The following ZNF516 variants were observed in gnomAD, a reference collection of about 807,000 sequenced individuals.
ZNF516 encodes the protein zinc finger protein 516.
A neutral mutation model predicts 79.7 loss-of-function variants in ZNF516; 19 were observed. The ratio of observed to expected loss-of-function variants is 0.24; its 90% CI spans 0.17 to 0.35. ZNF516 has a LOEUF of 0.35. Among genes scored for constraint, ZNF516 ranks in the 10% least tolerant of loss-of-function variants. The pLI, the probability that ZNF516 is intolerant of heterozygous loss-of-function variation, is 1.00. For missense variants in ZNF516, 1,678 were observed against 1,679.5 expected, an observed-to-expected ratio of 1.00 and a Z score of 0.02; for synonymous variants, 877 against 739.5, an observed-to-expected ratio of 1.19 and a Z score of -3.02.
rs751837030 is a variant in ZNF516, at chr18:76,379,680, G to A, written c.2434C>T (p.Arg812Trp). The A allele has an allele frequency of 5.0e-6, 8 of 1,613,642 alleles. No homozygotes were observed. Among genetic ancestry groups the A allele is most frequent in the Non-Finnish European group, 4.2e-6 (5 of 1,179,892 alleles). ...SIRSNLVFLS[R>W]SGRTGPPPAL... is the part of the protein sequence containing the mutation. The stretch of plus-strand genomic sequence containing the variant: ...GGCGGGGGGCCCGTGCGTCCGCTCC[G>A]GGAAAGGAAAACCAAATTGCTTCTG... Residue 812 changes from arginine to tryptophan, a missense_variant, in exon 4 of 7, where the codon CGG becomes TGG. This residue lies in a region of ZNF516 where 1,294 missense variants were observed against 1,248.3 expected (regional missense o/e 1.04). Coordinates refer to ENST00000443185, the MANE Select transcript of ZNF516 (RefSeq NM_014643.4).
At chr18:76,367,986 T>C (rs988512494) in intron 6 of ZNF516, among the ~76,000 whole-genome samples, 2 of 152,156 alleles carry the variant, frequency 1.3e-5, no homozygotes, top group Admixed American at 6.5e-5. Context: ...ACCACAGCCA[T>C]GATCCCTAGC....
rs1409368646 is a variant in ZNF516, at chr18:76,359,025, C to T, written c.*3473G>A. The T allele has an allele frequency of 3.3e-5, 5 of 152,224 alleles. No homozygotes were observed. The highest frequency in any genetic ancestry group is 6.5e-5 in the Admixed American group (1 of 15,280). The allele number at this position is 152,224 out of a possible 1,614,324, so 9.4% of individuals were successfully genotyped here. A position where few individuals can be genotyped will look rare whatever the true frequency, so the allele number is the denominator to read the frequency against. On this transcript the variant is annotated 3_prime_UTR_variant, in exon 7 of 7. Transcript: ENST00000443185. ...CCCTGCAGCCTGAAGGAGTGTGAGA[C>T]GATGAAACCCACATGTGCCGGAGCC... is the stretch of plus-strand genomic sequence containing the variant.
chr18:76,446,786 T>C (rs1912077510), intron 2 of ZNF516, among the ~76,000 whole-genome samples: 2 of 152,236 alleles, frequency 1.3e-5, no homozygotes, highest in African/African-American at 2.4e-5. Context: ...CCTCTCCGCC[T>C]GTCCCATCTT....
chr18:76,490,988 G>C (rs1307390923), intron 1 of ZNF516: 1 of 985,156 alleles, frequency 1.0e-6, no homozygotes, highest in Non-Finnish European at 1.2e-6. Context: ...GCAGCCCCTC[G>C]CGAGGCGCCC....
upstream of ZNF516, chr18:76,496,191 T>C: frequency 8.7e-7 from 1 of 1,151,412 alleles, no homozygotes; most frequent in South Asian, 1.5e-5. Context: ...GGGTCGGAGC[T>C]AGCGAGGGCG....
At chr18:76,495,822 G>C, upstream of ZNF516, 3 of 963,816 alleles carry the variant, frequency 3.1e-6, no homozygotes, top group Non-Finnish European at 3.9e-6. Flanking sequence ...GCGTGTGCGT[G>C]TCACTCAACT....
In ZNF516 at chr18:76,358,058, C is replaced by G. The variant is rs939374266; in HGVS notation, c.*4440G>C. ...AACGATCTTGTGAATTACCCTAAAA[C>G]TCTTCCATAAATAAAGAGCATTAAC... On this transcript the variant is annotated 3_prime_UTR_variant, in exon 7 of 7. Transcript: ENST00000443185. The G allele has an allele frequency of 6.6e-6, 1 of 152,242 alleles. No homozygotes were observed. Among genetic ancestry groups the G allele is most frequent in the Non-Finnish European group, 1.5e-5 (1 of 68,048 alleles). The allele number at this position is 152,242 out of a possible 1,614,324, so 9.4% of individuals were successfully genotyped here.
chr18:76,465,055 C>A (rs1214803570), intron 1 of ZNF516, among the ~76,000 whole-genome samples: 2 of 152,250 alleles, frequency 1.3e-5, no homozygotes, highest in Non-Finnish European at 2.9e-5. Context: ...TCCAGAGGTG[C>A]CAGGGCCCAG....
intron 2 of ZNF516, among the ~76,000 whole-genome samples, chr18:76,446,699 C>G (rs1040987110): frequency 2.0e-5 from 3 of 152,224 alleles, no homozygotes; most frequent in Non-Finnish European, 4.4e-5. Flanking sequence ...TACAGGCAGA[C>G]GTTCAAGGAG....
chr18:76,484,947 C>A lies in ZNF516; in HGVS notation c.-272+10197G>T, dbSNP rs1036360031. Reference sequence around the variant, plus strand: ...GTAATTTACCGAGGCTAATTTTAATCCTACCACTAAACCACTAATCGCATG... The same window carrying A: ...GTAATTTACCGAGGCTAATTTTAATACTACCACTAAACCACTAATCGCATG... On this transcript the variant is annotated intron_variant, in intron 1 of 6. Transcript: ENST00000443185. 1.1e-4 allele frequency among the ~76,000 whole-genome samples: 17 copies of A among 152,178 alleles called. 1 individual carries two copies. Among genetic ancestry groups the A allele is most frequent in the Admixed American group, 9.2e-4 (14 of 15,276 alleles).
At chr18:76,370,703 C>G in intron 5 of ZNF516, 108 bp from the exon 6 acceptor site, 1 of 891,870 alleles carries the variant, frequency 1.1e-6, no homozygotes, top group Non-Finnish European at 1.6e-6. Context: ...GACACCAGCG[C>G]CTAGCCTGTG....
At chr18:76,401,036 TAAA>T (rs1263221978) in intron 3 of ZNF516, among the ~76,000 whole-genome samples, 1 of 152,170 alleles carries the variant, frequency 6.6e-6, no homozygotes, top group African/African-American at 2.4e-5. Context: ...CTCCTATTTT[TAAA>T]AAGAGGAAAT....
intron 1 of ZNF516, chr18:76,488,101 C>T (rs766694020): frequency 1.9e-5 from 19 of 985,094 alleles, no homozygotes; most frequent in African/African-American, 5.2e-5. Flanking sequence ...CGGTGCCTCT[C>T]ATACACGGGG....
intron 3 of ZNF516, among the ~76,000 whole-genome samples, chr18:76,430,759 G>C (rs933456785): frequency 6.6e-6 from 1 of 152,202 alleles, no homozygotes; most frequent in African/African-American, 2.4e-5. Flanking sequence ...AACTATTCTG[G>C]AGTTAAGAGA....
At chr18:76,425,591 C>A (rs1308174313) in intron 3 of ZNF516, among the ~76,000 whole-genome samples, 1 of 152,174 alleles carries the variant, frequency 6.6e-6, no homozygotes. Flanking sequence ...ATCTGGGAAG[C>A]CCATGTCTCA....
rs765708230 is a variant in ZNF516 at position 76,441,423 on chromosome 18, CCTCTCGCGG to C, written c.1623_1631del (p.Arg542_Arg544del). The C allele has an allele frequency of 5.6e-6, 9 of 1,607,852 alleles. No homozygotes were observed. The African/African-American group carries it at 1.2e-4, about 21-fold the overall frequency. On this transcript the variant is annotated inframe_deletion, in exon 3 of 7. Transcript: ENST00000443185. ...GCGCCGCCCTGTCCCCGTCACTGTC[CCTCTCGCGG>C]CGCGCGCGGCGATGCACGCGTGAGT...
intron 3 of ZNF516, among the ~76,000 whole-genome samples, chr18:76,381,531 T>C (rs1424102589): frequency 6.6e-6 from 1 of 152,206 alleles, no homozygotes; most frequent in Non-Finnish European, 1.5e-5. Flanking sequence ...TAAAATGTTC[T>C]AAGTGTATAT....
upstream of ZNF516, chr18:76,495,690 A>T (rs1915454622): frequency 8.4e-7 from 1 of 1,191,520 alleles, no homozygotes; most frequent in Admixed American, 3.3e-5. Flanking sequence ...GCGCATCCAT[A>T]CGTACAGACG....
At chr18:76,482,665 A>C (rs1029141837) in intron 1 of ZNF516, among the ~76,000 whole-genome samples, 2 of 152,262 alleles carry the variant, frequency 1.3e-5, no homozygotes, top group Admixed American at 6.5e-5. Flanking sequence ...CTGGGAAGGC[A>C]GCCCTGTCGT....
Sources: gnomAD v4.1 joint callset for allele counts (sites outside exome capture counted in the v4.1 genomes callset) on GRCh38, gnomAD v4.1.1 for gene constraint, gnomAD v4.1.1 regional missense constraint, MANE v1.5 for transcripts, NCBI Gene and HGNC (gene_info 2026-07-23, HGNC 2026-07-21) for gene names.